DPP10: variants seen among roughly 807,000 people sequenced by gnomAD.
The protein encoded by DPP10 is inactive dipeptidyl peptidase 10.
In DPP10, 33 loss-of-function variants were observed where a neutral mutation model predicts 120.9. The observed-to-expected ratio is 0.27, with a 90% CI of 0.21 to 0.37. The LOEUF is 0.37. DPP10 is among the 10% of genes least tolerant of loss of function. DPP10 has a pLI of 1.00. For missense variants in DPP10, 816 were observed against 942.8 expected (o/e 0.87, Z 1.76); for synonymous variants, 337 against 326.1 (o/e 1.03, Z -0.36).
At chr2:114,474,820 C>T (rs1171082745) in intron 1 of DPP10, among the ~76,000 whole-genome samples, 1 of 152,160 alleles carries the variant, frequency 6.6e-6, no homozygotes, top group African/African-American at 2.4e-5. Flanking sequence ...GGAGCTGTAC[C>T]TATGAAACTT....
intron 1 of DPP10, chr2:115,145,169 A>G (rs771953378): frequency 6.6e-5 from 10 of 152,148 alleles, no homozygotes; most frequent in Non-Finnish European, 1.3e-4. Flanking sequence ...GAAATAAAAG[A>G]AAGGCAAGAA....
intron 1 of DPP10, among the ~76,000 whole-genome samples, chr2:114,717,143 G>A (rs572933019): frequency 1.9e-4 from 29 of 152,204 alleles, no homozygotes; most frequent in Admixed American, 1.4e-3. Context: ...GTACATTCCC[G>A]TTAAGATTTC....
chr2:114,537,208 T>G (rs1686574525), intron 1 of DPP10, among the ~76,000 whole-genome samples: 2 of 152,116 alleles, frequency 1.3e-5, no homozygotes, highest in Admixed American at 1.3e-4. Context: ...AGCTCAGGGA[T>G]GTGAGTTGGA....
intron 5 of DPP10, among the ~76,000 whole-genome samples, chr2:115,630,560 AT>A (rs2085769521): frequency 1.3e-5 from 2 of 151,950 alleles, no homozygotes; most frequent in Non-Finnish European, 2.9e-5. Flanking sequence ...AATGGCTCTT[AT>A]TTTTTTGAGG....
chr2:115,373,874 T>C (rs4436969), intron 3 of DPP10, among the ~76,000 whole-genome samples: 70,154 of 144,018 alleles, frequency 0.49, 17,312 homozygotes, highest in Non-Finnish European at 0.57. Flanking sequence ...TGTCTCACCA[T>C]AGCCAAGCAG....
intron 17 of DPP10, among the ~76,000 whole-genome samples, chr2:115,790,676 C>T (rs1230932986): frequency 6.6e-6 from 1 of 152,062 alleles, no homozygotes; most frequent in Admixed American, 6.6e-5. Context: ...CATGCTCATG[C>T]TTTTTCTACC....
At chr2:115,318,962 G>A (rs536020636) in intron 2 of DPP10, among the ~76,000 whole-genome samples, 1 of 152,196 alleles carries the variant, frequency 6.6e-6, no homozygotes, top group South Asian at 2.1e-4. Context: ...GGATAACAAT[G>A]GTAAAAGTGG....
intron 9 of DPP10, among the ~76,000 whole-genome samples, chr2:115,740,709 G>GT (rs1460126196): frequency 2.0e-5 from 3 of 152,020 alleles, no homozygotes; most frequent in Non-Finnish European, 4.4e-5. Flanking sequence ...GGATTGTACT[G>GT]TTTTTTCCTC....
chr2:115,287,268 TGTCA>T, intron 1 of DPP10, among the ~76,000 whole-genome samples: 1 of 152,216 alleles, frequency 6.6e-6, no homozygotes. Flanking sequence ...CATTTTACTC[TGTCA>T]GTTTTATTTT....
intron 3 of DPP10, among the ~76,000 whole-genome samples, chr2:115,454,498 A>T (rs1395426898): frequency 6.6e-6 from 1 of 151,818 alleles, no homozygotes; most frequent in Non-Finnish European, 1.5e-5. Context: ...AGTGAACTCA[A>T]TATACAGAAA....
intron 1 of DPP10, among the ~76,000 whole-genome samples, chr2:115,205,155 G>A (rs1476241687): frequency 1.3e-5 from 2 of 152,032 alleles, no homozygotes; most frequent in Admixed American, 1.3e-4. Context: ...CTTAGTCATA[G>A]ATTCTTTGCC....
intron 3 of DPP10, among the ~76,000 whole-genome samples, chr2:115,380,249 A>C (rs185362002): frequency 2.4e-4 from 37 of 152,300 alleles, no homozygotes; most frequent in Admixed American, 5.9e-4. Flanking sequence ...TATTGGGTGC[A>C]TATATATTTA....
At chr2:114,792,352 T>G (rs936932621) in intron 1 of DPP10, among the ~76,000 whole-genome samples, 5 of 152,178 alleles carry the variant, frequency 3.3e-5, no homozygotes, top group African/African-American at 1.2e-4. Flanking sequence ...TATACCCACT[T>G]TGGAAAGATA....
intron 3 of DPP10, among the ~76,000 whole-genome samples, chr2:115,402,733 C>T (rs1298934984): frequency 1.3e-5 from 2 of 150,030 alleles, no homozygotes; most frequent in Non-Finnish European, 3.0e-5. Flanking sequence ...AGAGATAATA[C>T]CAATTCTCAA....
intron 1 of DPP10, among the ~76,000 whole-genome samples, chr2:114,566,655 A>C (rs1689223839): frequency 6.6e-6 from 1 of 152,208 alleles, no homozygotes; most frequent in African/African-American, 2.4e-5. Context: ...TCCGTGTACC[A>C]GGTAGCAGTT....
intron 1 of DPP10, among the ~76,000 whole-genome samples, chr2:114,494,064 T>C (rs1435036438): frequency 5.5e-5 from 7 of 128,110 alleles, no homozygotes; most frequent in African/African-American, 2.1e-4. Context: ...TGCAAGAATT[T>C]AGAGACAGTG....
At chr2:114,919,259 T>C (rs1396233572) in intron 1 of DPP10, among the ~76,000 whole-genome samples, 4 of 152,162 alleles carry the variant, frequency 2.6e-5, no homozygotes. Flanking sequence ...TGCATATCTC[T>C]GGCTAGAAAA....
intron 3 of DPP10, among the ~76,000 whole-genome samples, chr2:115,482,138 C>T (rs531516484): frequency 4.0e-5 from 6 of 151,744 alleles, no homozygotes; most frequent in South Asian, 2.1e-4. Context: ...CAGTTGTTTC[C>T]GTTTTGGTCA....
At chr2:114,689,047 G>GT (rs1036280817) in intron 1 of DPP10, among the ~76,000 whole-genome samples, 172 of 149,586 alleles carry the variant, frequency 1.1e-3, no homozygotes, top group African/African-American at 3.7e-3. Flanking sequence ...TCCGTGGTTT[G>GT]TTTTTTTTTA....
Sources: gnomAD v4.1 joint callset for allele counts (sites outside exome capture counted in the v4.1 genomes callset) on GRCh38, gnomAD v4.1.1 for gene constraint, MANE v1.5 for transcripts, NCBI Gene and HGNC (gene_info 2026-07-23, HGNC 2026-07-21) for gene names.